The following ALDH1L1 variants were observed in gnomAD, a reference collection of about 807,000 sequenced individuals.
ALDH1L1 encodes the protein aldehyde dehydrogenase 1 family member L1.
A neutral mutation model predicts 101.1 loss-of-function variants in ALDH1L1; 68 were observed. The ratio of observed to expected loss-of-function variants is 0.67; its 90% CI spans 0.55 to 0.82. The LOEUF is 0.82. Ranked by LOEUF, ALDH1L1 falls within the 40% of genes least tolerant of loss-of-function variation. ALDH1L1 has a pLI of 0.00. For missense variants in ALDH1L1, 1,087 were observed against 1,172.7 expected (o/e 0.93, Z 1.07); for synonymous variants, 486 against 470.8 (o/e 1.03, Z -0.42).
At chr3:126,153,404 T>C in intron 7 of ALDH1L1, 40 bp downstream of exon 7, 1 of 1,609,962 alleles carries the variant, frequency 6.2e-7, no homozygotes, top group Non-Finnish European at 8.5e-7. Flanking sequence ...GGAGCATGGG[T>C]GGCTTTGAGC....
chr3:126,118,168 G>T, intron 16 of ALDH1L1, 70 bp from the exon 17 acceptor site: 1 of 1,238,162 alleles, frequency 8.1e-7, no homozygotes, highest in Non-Finnish European at 1.2e-6. Flanking sequence ...CCCACCTCCA[G>T]GACTGCACAG....
At chr3:126,132,525 C>A (rs12630420) in intron 12 of ALDH1L1, among the ~76,000 whole-genome samples, 2 of 151,964 alleles carry the variant, frequency 1.3e-5, no homozygotes, top group African/African-American at 4.8e-5. Context: ...TCACATCGGC[C>A]TCTTCCAGGT....
At chr3:126,139,562 T>G (rs1457291126) in intron 9 of ALDH1L1, among the ~76,000 whole-genome samples, 3 of 152,132 alleles carry the variant, frequency 2.0e-5, no homozygotes, top group Non-Finnish European at 2.9e-5. Context: ...TTGAAGAAGG[T>G]ACCCCTGAGG....
chr3:126,153,689 G>T lies in ALDH1L1; in HGVS notation c.721-108C>A, dbSNP rs934529219. Reference sequence around the variant, plus strand: ...GGGAGAGGGAGAGGGGCCAGGGGTAGCTGAGACCTGGGAGCCGGCTCAAAG... The same window carrying T: ...GGGAGAGGGAGAGGGGCCAGGGGTATCTGAGACCTGGGAGCCGGCTCAAAG... On this transcript the variant is annotated intron_variant, in intron 6 of 22. Transcript: ENST00000393434. 45 of 1,391,862 alleles carry T rather than the reference G, an allele frequency of 3.2e-5. No individual in the cohort carries two copies. In the South Asian group the frequency reaches 6.2e-4, roughly 19 times the overall value. The allele number at this position is 1,391,862 out of a possible 1,614,324, so 86.2% of individuals were successfully genotyped here. A position where few individuals can be genotyped will look rare whatever the true frequency, so the allele number is the denominator to read the frequency against.
intron 17 of ALDH1L1, among the ~76,000 whole-genome samples, chr3:126,117,619 T>C (rs2079996313): frequency 6.6e-6 from 1 of 150,710 alleles, no homozygotes; most frequent in African/African-American, 2.4e-5. Flanking sequence ...GCCACTGCAC[T>C]CCACCATGAG....
intron 6 of ALDH1L1, 56 bp from the exon 7 acceptor site, chr3:126,153,637 G>A: frequency 6.3e-7 from 1 of 1,577,926 alleles, no homozygotes; most frequent in Non-Finnish European, 8.6e-7. Flanking sequence ...CCCGAAGCCA[G>A]TAGCCCAGGC....
At chr3:126,138,285 T>A (rs930459194) in intron 9 of ALDH1L1, among the ~76,000 whole-genome samples, 1 of 150,766 alleles carries the variant, frequency 6.6e-6, no homozygotes, top group African/African-American at 2.5e-5. Flanking sequence ...CATCTAATAA[T>A]AATAATAATT....
intron 20 of ALDH1L1, chr3:126,108,012 A>G (rs1945944031): frequency 6.6e-6 from 1 of 152,252 alleles, no homozygotes; most frequent in Non-Finnish European, 1.5e-5. Flanking sequence ...AGAAATAGAA[A>G]ATTTCAAACC....
At chr3:126,142,506 T>C (rs2080587376) in intron 9 of ALDH1L1, among the ~76,000 whole-genome samples, 1 of 152,118 alleles carries the variant, frequency 6.6e-6, no homozygotes, top group South Asian at 2.1e-4. Flanking sequence ...CATGACCAAG[T>C]GGGATTAATT....
chr3:126,155,291 A>G, intron 5 of ALDH1L1, 111 bp downstream of exon 5: 1 of 946,976 alleles, frequency 1.1e-6, no homozygotes, highest in South Asian at 1.8e-5. Context: ...TCTGGCCTCA[A>G]AGAATTACAA....
At chr3:126,176,813 T>G (rs1441291363) in intron 1 of ALDH1L1, among the ~76,000 whole-genome samples, 1 of 152,174 alleles carries the variant, frequency 6.6e-6, no homozygotes, top group African/African-American at 2.4e-5. Flanking sequence ...AAGACATATC[T>G]GGTAAAGCAC....
chr3:126,131,640 G>A, intron 12 of ALDH1L1, 106 bp from the exon 13 acceptor site: 2 of 1,311,066 alleles, frequency 1.5e-6, no homozygotes, highest in Non-Finnish European at 2.1e-6. Context: ...CTCTACCCCA[G>A]TTCTGCCACT....
intron 4 of ALDH1L1, chr3:126,156,673 G>A (rs923215521): frequency 6.6e-6 from 1 of 152,266 alleles, no homozygotes; most frequent in Non-Finnish European, 1.5e-5. Flanking sequence ...AGGTGACTGA[G>A]CCGCCCTGCC....
intron 1 of ALDH1L1, among the ~76,000 whole-genome samples, chr3:126,197,155 T>G (rs1197126766): frequency 6.6e-6 from 1 of 152,196 alleles, no homozygotes; most frequent in Non-Finnish European, 1.5e-5. Flanking sequence ...GAAAAAAAAT[T>G]AATGCACTCT....
intron 9 of ALDH1L1, among the ~76,000 whole-genome samples, chr3:126,146,394 A>C (rs528472024): frequency 1.3e-5 from 2 of 152,196 alleles, no homozygotes; most frequent in Non-Finnish European, 2.9e-5. Context: ...ACAGCAGCTG[A>C]ATCTGATGCA....
At chr3:126,121,489 T>C (rs1164051779) in intron 16 of ALDH1L1, among the ~76,000 whole-genome samples, 1 of 152,188 alleles carries the variant, frequency 6.6e-6, no homozygotes, top group African/African-American at 2.4e-5. Flanking sequence ...AACTATATGA[T>C]ATTTAAGAGT....
intron 16 of ALDH1L1, among the ~76,000 whole-genome samples, 158 bp from the exon 17 acceptor site, chr3:126,118,256 G>A (rs1013548855): frequency 6.6e-6 from 1 of 152,080 alleles, no homozygotes; most frequent in Non-Finnish European, 1.5e-5. Flanking sequence ...ATGGAGCCTC[G>A]CTCCCTATTA....
chr3:126,181,099 C>T, upstream of ALDH1L1: 2 of 1,176,236 alleles, frequency 1.7e-6, no homozygotes, highest in South Asian at 2.6e-5. Context: ...TGCCTACCCG[C>T]CTCTCCGAGA....
At chr3:126,163,662 C>T (rs2081107097) in intron 1 of ALDH1L1, among the ~76,000 whole-genome samples, 1 of 152,110 alleles carries the variant, frequency 6.6e-6, no homozygotes. Context: ...AATGTTCTTC[C>T]TATAGGTCAT....
Sources: allele counts gnomAD v4.1 joint callset (sites outside exome capture counted in the v4.1 genomes callset), GRCh38; gene constraint gnomAD v4.1.1; transcripts MANE v1.5; gene names NCBI Gene and HGNC (gene_info 2026-07-23, HGNC 2026-07-21).